The following FLII variants were observed in gnomAD, a reference collection of about 807,000 sequenced individuals.
FLII encodes protein flightless-1 homolog.
FLII carries 101 observed loss-of-function variants against 156.2 expected under a neutral mutation model. The ratio of observed to expected loss-of-function variants is 0.65; its 90% CI spans 0.55 to 0.76. The LOEUF is 0.76. Among genes scored for constraint, FLII ranks in the 30% least tolerant of loss-of-function variants. The probability of loss-of-function intolerance (pLI) is 0.00; values close to 1 mark genes in which losing one functional copy is unlikely to be tolerated. For synonymous variants in FLII, 767 were observed against 685.8 expected, an observed-to-expected ratio of 1.12 and a Z score of -1.85; for missense variants, 1,675 against 1,682.8, an observed-to-expected ratio of 1.00 and a Z score of 0.08.
Position 18,246,171 on chromosome 17 carries a change from G to A in FLII, c.3258C>T (p.Phe1086=), listed in dbSNP as rs1422355466. The change falls in exon 25 of 30, where the codon TTC becomes TTT. Residue 1086 remains phenylalanine, a synonymous_variant. Coordinates refer to ENST00000327031, the MANE Select transcript of FLII (RefSeq NM_002018.4). The part of the protein sequence containing the change: ...DSSLLNSEFC[F]ILKVPFESED... ...ACACCCACAACCCCACCTTGAGGAT[G>A]AAGCAGAACTCGGAGTTGAGGAGGC... The A allele has an allele frequency of 1.2e-6, 2 of 1,614,178 alleles. No individual in the cohort carries two copies. Among genetic ancestry groups the A allele is most frequent in the Non-Finnish European group, 1.7e-6 (2 of 1,180,044 alleles).
rs775715519 is a variant in FLII, at chr17:18,256,640, G to C, written c.175-43C>G. 2.0e-6 allele frequency: 3 copies of C among 1,507,240 alleles called. No homozygotes were observed. The South Asian group carries it at 3.6e-5, about 18-fold the overall frequency. 93.4% of individuals were successfully genotyped at this position (1,507,240 alleles called of 1,614,324 possible). On this transcript the variant is annotated intron_variant, in intron 2 of 29. Coordinates refer to ENST00000327031, the MANE Select transcript of FLII (RefSeq NM_002018.4). Reference sequence around the variant, plus strand: ...GCACAGGCTCAGCAGGGTGGGTGGGGTGTCCAGAGTCCCTGCCTGCCTCCA... The same window carrying C: ...GCACAGGCTCAGCAGGGTGGGTGGGCTGTCCAGAGTCCCTGCCTGCCTCCA...
At chr17:18,248,170 CT>C in intron 18 of FLII, 137 bp from the exon 19 acceptor site, 1 of 626,556 alleles carries the variant, frequency 1.6e-6, no homozygotes, top group Non-Finnish European at 2.8e-6. Context: ...CCTTCAAGGT[CT>C]TTTTAGGGAT....
upstream of FLII, chr17:18,258,992 C>A (rs926999578): frequency 2.5e-5 from 5 of 200,244 alleles, no homozygotes; most frequent in African/African-American, 9.3e-5. This position sits in a 1 kb window ranked among gnomAD's most constrained non-coding sequence, Gnocchi z 4.2. Flanking sequence ...GTCGAGGCAC[C>A]GTCACCTGCG....
At chr17:18,248,081 C>T (rs2048146515) in intron 18 of FLII, 48 bp from the exon 19 acceptor site, 1 of 1,350,820 alleles carries the variant, frequency 7.4e-7, no homozygotes, top group Non-Finnish European at 1.1e-6. Flanking sequence ...GAGACAGGAA[C>T]CTCACCCACA....
intron 3 of FLII, among the ~76,000 whole-genome samples, chr17:18,255,704 C>T (rs1447900351): frequency 2.0e-5 from 3 of 152,082 alleles, no homozygotes; most frequent in Non-Finnish European, 4.4e-5. Flanking sequence ...ATGCAGAAAG[C>T]TTGAGCATGA....
At position 18,246,877 on chromosome 17, in the gene FLII, G is replaced by A. The variant is rs374719131; in HGVS notation, c.2816+36C>T. ...CAGGGGCTCGAGCCCCCAGCACCAG[G>A]GGAGGGACTTGGGGAAGGGAGTGCT... On this transcript the variant is annotated intron_variant, in intron 22 of 29. Transcript: ENST00000327031. 14 of 1,613,928 alleles carry A rather than the reference G, an allele frequency of 8.7e-6. No individual in the cohort carries two copies. In the African/African-American group the frequency reaches 1.3e-4, roughly 15 times the overall value.
At chr17:18,251,848 C>G (rs746855222) in intron 11 of FLII, 32 bp from the exon 12 acceptor site, 1 of 1,612,520 alleles carries the variant, frequency 6.2e-7, no homozygotes, top group East Asian at 2.2e-5. Context: ...TGAGCCCTCA[C>G]TGGGCCTGCT....
At chr17:18,251,167 A>G (rs768082790) in intron 13 of FLII, 98 bp downstream of exon 13, 13 of 1,453,800 alleles carry the variant, frequency 8.9e-6, no homozygotes, top group Non-Finnish European at 1.2e-5. Flanking sequence ...CCCACCTCCC[A>G]CCTGGCCTCC....
rs2048002185 is a variant in FLII at position 18,245,430 on chromosome 17, A to G, written c.3610-11T>C. On this transcript the variant is annotated splice_polypyrimidine_tract_variant and intron_variant, in intron 28 of 29. Transcript: ENST00000327031. Reference sequence around the variant, plus strand: ...CACCCACATGTAGACCTGTGGGGGCAGCAGGGGAGATACGGTTGCATGGGT... The same window carrying G: ...CACCCACATGTAGACCTGTGGGGGCGGCAGGGGAGATACGGTTGCATGGGT... 3.7e-6 allele frequency: 6 copies of G among 1,613,900 alleles called. No homozygotes were observed. The highest frequency in any genetic ancestry group is 2.7e-5 in the African/African-American group (2 of 74,944).
intron 4 of FLII, 38 bp downstream of exon 4, chr17:18,255,145 G>A (rs377575191): frequency 3.6e-5 from 54 of 1,496,012 alleles, no homozygotes; most frequent in African/African-American, 2.5e-4. Flanking sequence ...TGAATGGTCC[G>A]GCTAGCACAG....
In FLII at chr17:18,247,059, GTGAGAGGGACCCGCCCCGCGGCAGGTC is replaced by G; in HGVS notation, c.2677-34_2677-8del. 1 of 1,612,242 alleles carries G rather than the reference GTGAGAGGGACCCGCCCCGCGGCAGGTC, an allele frequency of 6.2e-7. No homozygotes were observed. On this transcript the variant is annotated splice_polypyrimidine_tract_variant and splice_region_variant and intron_variant, in intron 21 of 29. Transcript: ENST00000327031. Reference sequence around the variant, plus strand: ...CCTCCATCAGCTGCTCCGCCTGCAGGTGAGAGGGACCCGCCCCGCGGCAGGTCTGAGCGCGCTCTGCGCATAGGCCCC... The same window carrying G: ...CCTCCATCAGCTGCTCCGCCTGCAGGTGAGCGCGCTCTGCGCATAGGCCCC...
At position 18,251,970 on chromosome 17, in the gene FLII, GTTCCCAGGCCAGACCT is replaced by G. The variant is rs2048285395; in HGVS notation, c.1246+13_1246+28del. 5.0e-6 allele frequency: 8 copies of G among 1,606,632 alleles called. No homozygotes were observed. The East Asian group carries it at 1.8e-4, about 36-fold the overall frequency. On this transcript the variant is annotated intron_variant, in intron 11 of 29. Coordinates refer to ENST00000327031, the MANE Select transcript of FLII (RefSeq NM_002018.4). ...ATTTGAGGCCTGGAGAGGAGCCCCC[GTTCCCAGGCCAGACCT>G]TTCCCCACTCACCAGCTGCAGCTGC...
chr17:18,256,127 T>C (rs2142871305), intron 3 of FLII, among the ~76,000 whole-genome samples: 1 of 152,320 alleles, frequency 6.6e-6, no homozygotes, highest in South Asian at 2.1e-4. Context: ...ACTGCCTGGC[T>C]CTGTGACCTG....
Position 18,249,181 on chromosome 17 carries a change from T to C in FLII, c.1880A>G (p.Lys627Arg), listed in dbSNP as rs760517628. Residue 627 changes from lysine to arginine, a missense_variant, in exon 16 of 30, where the codon AAA becomes AGA. Physicochemically the swap from Lys to Arg is conservative, Grantham distance 26 (BLOSUM62 2). This residue lies in a region of FLII where 1,332 missense variants were observed against 1,269.3 expected (regional missense o/e 1.05). Transcript: ENST00000327031. Reference protein sequence around the residue: ...YVTRMYRVYGKKNIKLEPVPL... With the variant: ...YVTRMYRVYGRKNIKLEPVPL... Reference sequence around the variant, plus strand: ...CACAGGCTCCAACTTGATGTTCTTTTTCCCATACACACGATACATCCTGGG... The same window carrying C: ...CACAGGCTCCAACTTGATGTTCTTTCTCCCATACACACGATACATCCTGGG... 11 of 1,614,062 alleles carry C rather than the reference T, an allele frequency of 6.8e-6. No homozygotes were observed. The highest frequency in any genetic ancestry group is 8.5e-6 in the Non-Finnish European group (10 of 1,180,036).
chr17:18,252,666 CG>C, intron 9 of FLII, 110 bp from the exon 10 acceptor site: 1 of 806,734 alleles, frequency 1.2e-6, no homozygotes. Flanking sequence ...GAGGAACTGG[CG>C]GGGGTCTCCA....
At position 18,255,239 on chromosome 17, in the gene FLII, G is replaced by C; in HGVS notation, c.271C>G (p.Leu91Val). The change falls in exon 4 of 30, where the codon CTG becomes GTG. Residue 91 changes from leucine to valine, a missense_variant. Leu to Val is a conservative substitution (Grantham distance 32). This residue lies in a region of FLII where 343 missense variants were observed against 413.5 expected (regional missense o/e 0.83). Transcript: ENST00000327031. ...TCATCGGGGACTCCGGAATTCTTCA[G>C]ACTGTTGGCTCGGGCCACGATGGCC... ...LRAIVARANS[L>V]KNSGVPDDIF... The C allele has an allele frequency of 6.2e-7, 1 of 1,614,046 alleles. No individual in the cohort carries two copies. The highest frequency in any genetic ancestry group is 2.2e-5 in the East Asian group (1 of 44,884).
intron 26 of FLII, 30 bp downstream of exon 26, chr17:18,245,900 CTGTG>C (rs773988104): frequency 3.1e-6 from 5 of 1,613,894 alleles, no homozygotes; most frequent in East Asian, 2.2e-5. Flanking sequence ...CCTGGCTCCT[CTGTG>C]TGTGCCCGCC....
rs2048015184 is a variant in FLII, at chr17:18,245,660, C to T, written c.3504G>A (p.Arg1168=). ...AEYMKHTRLF[R]CSNEKGYFAV... ...CAAAGTAGCCCTTCTCGTTGGAGCA[C>T]CTGGGAATCAAGGGTCAAGGTGAGG... Residue 1168 remains arginine (R), a splice_region_variant and synonymous_variant, in exon 28 of 30, where the codon CGG becomes CGA. Coordinates refer to ENST00000327031, the MANE Select transcript of FLII (RefSeq NM_002018.4). 1 of 1,613,650 alleles carries T rather than the reference C, an allele frequency of 6.2e-7. No homozygotes were observed. Among genetic ancestry groups the T allele is most frequent in the African/African-American group, 1.3e-5 (1 of 74,896 alleles).
chr17:18,253,590 T>G lies in FLII; in HGVS notation c.809A>C (p.His270Pro). 1 of 1,614,054 alleles carries G rather than the reference T, an allele frequency of 6.2e-7. No homozygotes were observed. The highest frequency in any genetic ancestry group is 8.5e-7 in the Non-Finnish European group (1 of 1,179,996). ...ELSLCIDQWVHVETLNLSRNQ... is the reference protein window; with the variant it reads ...ELSLCIDQWVPVETLNLSRNQ... ...TCGGGACAGGTTCAGAGTTTCCACGTGCACCCACTGGTCTATGCACAGGGA... is the reference window on the plus strand; with the variant it reads ...TCGGGACAGGTTCAGAGTTTCCACGGGCACCCACTGGTCTATGCACAGGGA... Residue 270 changes from histidine (H) to proline (P), a missense_variant, in exon 8 of 30, where the codon CAC becomes CCC. Transcript: ENST00000327031.
Sources: gnomAD v4.1 joint callset for allele counts (sites outside exome capture counted in the v4.1 genomes callset) on GRCh38, gnomAD v4.1.1 for gene constraint, gnomAD v4.1.1 regional missense constraint, Gnocchi (gnomAD v3.1) non-coding constraint, MANE v1.5 for transcripts, NCBI Gene and HGNC (gene_info 2026-07-23, HGNC 2026-07-21) for gene names.